The following LRRIQ3 variants were observed in gnomAD, a reference collection of about 807,000 sequenced individuals.
The protein encoded by LRRIQ3 is leucine-rich repeat and IQ domain-containing protein 3.
A neutral mutation model predicts 59.3 loss-of-function variants in LRRIQ3; 75 were observed. The observed-to-expected ratio is 1.26, with a 90% CI of 1.05 to 1.53. The LOEUF (loss-of-function observed/expected upper bound fraction) is 1.53. Ranked by LOEUF, LRRIQ3 falls within the 40% of genes most tolerant of loss-of-function variation. The probability of loss-of-function intolerance (pLI) is 0.00; values close to 1 mark genes in which losing one functional copy is unlikely to be tolerated. For missense variants in LRRIQ3, 831 were observed against 710.0 expected, an observed-to-expected ratio of 1.17 and a Z score of -1.94; for synonymous variants, 250 against 231.3, an observed-to-expected ratio of 1.08 and a Z score of -0.73.
intron 5 of LRRIQ3, among the ~76,000 whole-genome samples, chr1:74,077,435 C>T (rs1419774791): frequency 1.3e-5 from 2 of 151,470 alleles, no homozygotes; most frequent in Non-Finnish European, 2.9e-5. Flanking sequence ...CCTTTAGATT[C>T]CCCTGAAAAA....
intron 5 of LRRIQ3, among the ~76,000 whole-genome samples, chr1:74,099,423 C>T (rs1164743788): frequency 6.6e-6 from 1 of 152,066 alleles, no homozygotes; most frequent in Admixed American, 6.5e-5. Flanking sequence ...AATAGCCTAC[C>T]AACCAAAAAA....
intron 5 of LRRIQ3, among the ~76,000 whole-genome samples, chr1:74,084,605 A>C (rs1022931355): frequency 1.3e-5 from 2 of 151,606 alleles, no homozygotes; most frequent in Admixed American, 1.3e-4. Flanking sequence ...TCTTATGTAA[A>C]ACTCCAATGC....
intron 6 of LRRIQ3, among the ~76,000 whole-genome samples, chr1:74,066,446 C>A (rs1212638132): frequency 3.3e-5 from 5 of 151,992 alleles, no homozygotes; most frequent in African/African-American, 1.2e-4. Context: ...ACAATAGACA[C>A]ATTTTTTGGT....
At chr1:74,067,634 G>C (rs1654903350) in intron 6 of LRRIQ3, among the ~76,000 whole-genome samples, 1 of 151,834 alleles carries the variant, frequency 6.6e-6, no homozygotes, top group Non-Finnish European at 1.5e-5. Context: ...AATTCTTTTG[G>C]AGTCATATGT....
intron 5 of LRRIQ3, among the ~76,000 whole-genome samples, chr1:74,079,559 A>G (rs1168346294): frequency 6.6e-6 from 1 of 151,754 alleles, no homozygotes; most frequent in African/African-American, 2.4e-5. Context: ...AACATTTATC[A>G]CAATTTTGTT....
intron 4 of LRRIQ3, among the ~76,000 whole-genome samples, chr1:74,113,576 T>A (rs1646733710): frequency 1.3e-5 from 2 of 152,018 alleles, no homozygotes; most frequent in Non-Finnish European, 2.9e-5. Context: ...ACTATGGCTC[T>A]CTTATGAGAA....
At chr1:74,192,792 A>G (rs1215781601) in intron 1 of LRRIQ3, among the ~76,000 whole-genome samples, 1 of 152,198 alleles carries the variant, frequency 6.6e-6, no homozygotes, top group Non-Finnish European at 1.5e-5. Context: ...TTCAGAATAT[A>G]ACGTATGTGT....
chr1:74,123,814 G>A (rs934389858), intron 4 of LRRIQ3, among the ~76,000 whole-genome samples: 4 of 151,932 alleles, frequency 2.6e-5, no homozygotes, highest in Admixed American at 1.3e-4. Context: ...TTTACTTTGG[G>A]TATGTCCTTA....
intron 5 of LRRIQ3, among the ~76,000 whole-genome samples, chr1:74,096,088 T>A (rs1646445608): frequency 6.6e-6 from 1 of 152,034 alleles, no homozygotes; most frequent in African/African-American, 2.4e-5. Flanking sequence ...AACAGAACTA[T>A]ATTTCAAAAA....
intron 6 of LRRIQ3, among the ~76,000 whole-genome samples, chr1:74,051,136 T>G (rs558233789): frequency 6.6e-6 from 1 of 152,308 alleles, no homozygotes; most frequent in Admixed American, 6.5e-5. Flanking sequence ...TGTAAAGAAG[T>G]GCTATGCTGG....
intron 4 of LRRIQ3, among the ~76,000 whole-genome samples, chr1:74,113,343 A>T (rs1646729922): frequency 6.6e-6 from 1 of 152,028 alleles, no homozygotes; most frequent in African/African-American, 2.4e-5. Flanking sequence ...AGAGACAGAG[A>T]GAAAAAGGCA....
chr1:74,157,693 C>G (rs549632116), intron 3 of LRRIQ3, among the ~76,000 whole-genome samples: 3 of 152,182 alleles, frequency 2.0e-5, no homozygotes, highest in African/African-American at 4.8e-5. Context: ...CAGTTTTCCT[C>G]TAAATCTTGT....
intron 5 of LRRIQ3, among the ~76,000 whole-genome samples, chr1:74,092,154 C>T (rs1026872235): frequency 3.3e-5 from 5 of 151,938 alleles, no homozygotes; most frequent in African/African-American, 1.2e-4. Context: ...GGAGTAAGTG[C>T]AGTCATTTTG....
At chr1:74,163,296 TA>T (rs1011229146) in intron 3 of LRRIQ3, among the ~76,000 whole-genome samples, 23 of 151,544 alleles carry the variant, frequency 1.5e-4, no homozygotes, top group Non-Finnish European at 2.8e-4. Context: ...CACAAAATGG[TA>T]AAAAATCTGT....
chr1:74,102,307 G>A, intron 5 of LRRIQ3, among the ~76,000 whole-genome samples: 1 of 151,878 alleles, frequency 6.6e-6, no homozygotes, highest in South Asian at 2.1e-4. Flanking sequence ...TTTAAAAATT[G>A]CCTAAGAACT....
intron 1 of LRRIQ3, among the ~76,000 whole-genome samples, chr1:74,193,601 T>C (rs1321056132): frequency 6.6e-6 from 1 of 152,104 alleles, no homozygotes; most frequent in East Asian, 1.9e-4. Flanking sequence ...ACATAATAAA[T>C]ATTGGGAAAA....
At chr1:74,103,041 T>C (rs1646557355) in intron 5 of LRRIQ3, among the ~76,000 whole-genome samples, 1 of 151,988 alleles carries the variant, frequency 6.6e-6, no homozygotes. Flanking sequence ...CTCTATAGAT[T>C]CTTCTGACAA....
At chr1:74,090,462 T>A (rs1004282481) in intron 5 of LRRIQ3, among the ~76,000 whole-genome samples, 1 of 152,140 alleles carries the variant, frequency 6.6e-6, no homozygotes, top group South Asian at 2.1e-4. Context: ...AGATAATGAT[T>A]ATCAGGTCAA....
intron 4 of LRRIQ3, among the ~76,000 whole-genome samples, chr1:74,131,047 G>C (rs1355384580): frequency 2.0e-5 from 3 of 151,780 alleles, no homozygotes; most frequent in African/African-American, 7.3e-5. Flanking sequence ...TGATAATGGA[G>C]ATATTACCAC....
Sources: allele counts gnomAD v4.1 joint callset (sites outside exome capture counted in the v4.1 genomes callset), GRCh38; gene constraint gnomAD v4.1.1; transcripts MANE v1.5; gene names NCBI Gene and HGNC (gene_info 2026-07-23, HGNC 2026-07-21).